Variants in ASPG observed in about 807,000 individuals in gnomAD.
The protein encoded by ASPG is asparaginase.
ASPG carries 53 observed loss-of-function variants against 63.2 expected under a neutral mutation model. That is an observed-to-expected ratio of 0.84 (90% CI 0.67 to 1.05). The LOEUF (loss-of-function observed/expected upper bound fraction) is 1.05. ASPG is among the 50% of genes least tolerant of loss of function. ASPG has a pLI of 0.00. For missense variants in ASPG, 741 were observed against 794.4 expected (o/e 0.93, Z 0.81); for synonymous variants, 370 against 355.0 (o/e 1.04, Z -0.48).
At chr14:104,086,744 G>C (rs1176967131) in intron 1 of ASPG, among the ~76,000 whole-genome samples, 1 of 151,974 alleles carries the variant, frequency 6.6e-6, no homozygotes, top group Non-Finnish European at 1.5e-5. Context: ...ACCCTCCATG[G>C]GCCACTGCCT....
rs748755532 is a variant in ASPG, at chr14:104,104,726, C to T, written c.1041C>T (p.Val347=). The change falls in exon 9 of 16, where the codon GTC becomes GTT. Residue 347 remains valine (V), a synonymous_variant. Coordinates refer to ENST00000551177, the MANE Select transcript of ASPG (RefSeq NM_001080464.3). ...GCCAGCCAGGGCTGAGCCTGGATGTCAGGAAGGAGGTGCGGGCGCTCTCGG... is the reference window on the plus strand; with the variant it reads ...GCCAGCCAGGGCTGAGCCTGGATGTTAGGAAGGAGGTGCGGGCGCTCTCGG... ...VLGQPGLSLD[V]RKELLTKDLR... 1.9e-6 allele frequency: 3 copies of T among 1,594,670 alleles called. No individual in the cohort carries two copies. In the Admixed American group the frequency reaches 5.2e-5, roughly 27 times the overall value.
rs2037270665 is a variant in ASPG at position 104,109,015 on chromosome 14, G to A, written c.1434-214G>A. 7.1e-6 allele frequency: 7 copies of A among 985,304 alleles called. No homozygotes were observed. The South Asian group carries it at 2.3e-4, about 33-fold the overall frequency. The allele number at this position is 985,304 out of a possible 1,614,324, so 61.0% of individuals were successfully genotyped here. ...CTCAGCTGCCCTAAGAAGGAGTACTGGACAAATGGAGGTGGTGGGATCCCG... is the reference window on the plus strand; with the variant it reads ...CTCAGCTGCCCTAAGAAGGAGTACTAGACAAATGGAGGTGGTGGGATCCCG... On this transcript the variant is annotated intron_variant, in intron 12 of 15. Transcript: ENST00000551177. This position sits in a 1 kb window ranked among gnomAD's most constrained non-coding sequence, Gnocchi z 4.8.
At chr14:104,101,832 C>T (rs1186940994) in intron 6 of ASPG, among the ~76,000 whole-genome samples, 1 of 152,216 alleles carries the variant, frequency 6.6e-6, no homozygotes, top group Admixed American at 6.5e-5. Flanking sequence ...CACCCTTCGG[C>T]TCCTGTGCTG....
intron 10 of ASPG, among the ~76,000 whole-genome samples, chr14:104,105,946 C>A (rs570175996): frequency 5.7e-4 from 87 of 152,354 alleles, no homozygotes; most frequent in African/African-American, 2.0e-3. Flanking sequence ...CCGCAACATG[C>A]CCCCTTGGCT....
At chr14:104,086,420 G>T (rs2036223406) in intron 1 of ASPG, among the ~76,000 whole-genome samples, 1 of 152,210 alleles carries the variant, frequency 6.6e-6, no homozygotes, top group Non-Finnish European at 1.5e-5. Context: ...GTGTGGACCT[G>T]GTTGACCAGA....
At chr14:104,105,117 C>T (rs891321697) in intron 9 of ASPG, 8 of 719,206 alleles carry the variant, frequency 1.1e-5, no homozygotes, top group Non-Finnish European at 1.6e-5. Context: ...GCTTTTGGGG[C>T]CCCTGGAGAC....
At position 104,114,545 on chromosome 14, in the gene ASPG, G is replaced by T. The variant is rs1456469266; in HGVS notation, c.*2001G>T. 3 of 152,312 alleles carry T rather than the reference G, an allele frequency of 2.0e-5. No individual in the cohort carries two copies. The highest frequency in any genetic ancestry group is 2.9e-5 in the Non-Finnish European group (2 of 68,166). 9.4% of individuals were successfully genotyped at this position (152,312 alleles called of 1,614,324 possible). ...TGGGAGCTTTCTCGGGGGCCGTTTT[G>T]TGCCCCTTGGGGAGAGGCCAGAGGG... On this transcript the variant is annotated 3_prime_UTR_variant, in exon 16 of 16. Coordinates refer to ENST00000551177, the MANE Select transcript of ASPG (RefSeq NM_001080464.3).
chr14:104,107,106 G>A (rs752795904), intron 11 of ASPG, 76 bp from the exon 12 acceptor site: 35 of 1,501,444 alleles, frequency 2.3e-5, no homozygotes, highest in Middle Eastern at 1.9e-4. Flanking sequence ...CCCTCAGAGG[G>A]ACCCCACCCT....
chr14:104,103,248 T>C (rs374716985), intron 6 of ASPG, among the ~76,000 whole-genome samples: 3 of 152,230 alleles, frequency 2.0e-5, no homozygotes, highest in East Asian at 3.9e-4. Context: ...GCCCCTCGCC[T>C]GGCCAGCGGA....
At chr14:104,107,403 G>A in intron 12 of ASPG, 58 bp downstream of exon 12, 1 of 1,332,772 alleles carries the variant, frequency 7.5e-7, no homozygotes, top group Non-Finnish European at 9.7e-7. Flanking sequence ...GAGAGGCTGT[G>A]GGCTCCTGCA....
chr14:104,105,466 A>G lies in ASPG; in HGVS notation c.1173+16A>G, dbSNP rs771496903. The G allele has an allele frequency of 1.3e-6, 2 of 1,558,306 alleles. No individual in the cohort carries two copies. Among genetic ancestry groups the G allele is most frequent in the South Asian group, 1.2e-5 (1 of 81,340 alleles). ...CGGCAGCCAGGTAATGGCGTGGGACACGGGCCTGAGTGGCAGCTGGGGACT... is the reference window on the plus strand; with the variant it reads ...CGGCAGCCAGGTAATGGCGTGGGACGCGGGCCTGAGTGGCAGCTGGGGACT... On this transcript the variant is annotated intron_variant, in intron 10 of 15. Transcript: ENST00000551177.
rs531633614 is a variant in ASPG, at chr14:104,091,230, C to T, written c.83-1403C>T. Among the ~76,000 whole-genome samples, 7 of 151,894 alleles carry T rather than the reference C, an allele frequency of 4.6e-5. No homozygotes were observed. The highest frequency in any genetic ancestry group is 1.2e-4 in the African/African-American group (5 of 41,402). ...ACATGAGACAGGGACACTTGGACACCGGTGTGGGGTGGACCCTGAGCCCCC... is the reference window on the plus strand; with the variant it reads ...ACATGAGACAGGGACACTTGGACACTGGTGTGGGGTGGACCCTGAGCCCCC... On this transcript the variant is annotated intron_variant, in intron 1 of 15. Coordinates refer to ENST00000551177, the MANE Select transcript of ASPG (RefSeq NM_001080464.3). This position sits in a 1 kb window ranked among gnomAD's most constrained non-coding sequence, Gnocchi z 6.4.
intron 2 of ASPG, chr14:104,092,955 T>C (rs1353583852): frequency 1.1e-5 from 6 of 568,654 alleles, no homozygotes; most frequent in Non-Finnish European, 6.3e-6. Context: ...CCACCTTCCC[T>C]CCCCACCCTC....
At chr14:104,090,207 A>G (rs562826676) in intron 1 of ASPG, among the ~76,000 whole-genome samples, 1 of 152,274 alleles carries the variant, frequency 6.6e-6, no homozygotes, top group Non-Finnish European at 1.5e-5. Context: ...ACATGCCCCC[A>G]GCAGGGACAG....
intron 6 of ASPG, among the ~76,000 whole-genome samples, chr14:104,102,273 CT>C (rs992844012): frequency 2.6e-5 from 4 of 152,052 alleles, no homozygotes; most frequent in African/African-American, 7.2e-5. Flanking sequence ...GGGGGCTCCG[CT>C]CCCCCCTCTC....
At chr14:104,098,316 C>T (rs565927486) in intron 5 of ASPG, among the ~76,000 whole-genome samples, 25 of 152,314 alleles carry the variant, frequency 1.6e-4, no homozygotes, top group African/African-American at 5.8e-4. Context: ...TCCCCCATGT[C>T]TTTCCCTGTT....
intron 1 of ASPG, among the ~76,000 whole-genome samples, chr14:104,089,359 CA>C (rs113198487): frequency 1.3e-4 from 20 of 148,434 alleles, no homozygotes; most frequent in Admixed American, 4.7e-4. Context: ...ACTAAAAATA[CA>C]AAAAAAAAAT....
In ASPG at chr14:104,103,586, G is replaced by A. The variant is rs1426344316; in HGVS notation, c.664G>A (p.Val222Met). ...ITINRELVRK[V>M]DGKAGLVVHS... ...AGTCAACAGGGAGCTGGTGCGGAAG[G>A]TGGACGGGAAGGCTGGGCTGGTGGT... is the stretch of plus-strand genomic sequence containing the variant. Residue 222 changes from valine to methionine, a missense_variant, in exon 7 of 16, where the codon GTG (valine) becomes ATG (methionine). By Grantham distance (21) the Val-to-Met change is conservative. Transcript: ENST00000551177. 1.3e-6 allele frequency: 2 copies of A among 1,548,158 alleles called. No individual in the cohort carries two copies. The highest frequency in any genetic ancestry group is 1.2e-5 in the South Asian group (1 of 83,962).
At position 104,104,452 on chromosome 14, in the gene ASPG, A is replaced by G; in HGVS notation, c.902A>G (p.Gln301Arg). The change falls in exon 8 of 16, where the codon CAG becomes CGG. Residue 301 changes from glutamine (Q) to arginine (R), a missense_variant. Coordinates refer to ENST00000551177, the MANE Select transcript of ASPG (RefSeq NM_001080464.3). ...LVIVNCTHCL[Q>R]GAVTTDYAAG... Reference sequence around the variant, plus strand: ...ATCGTCAACTGTACCCACTGCCTCCAGGGGGCTGTGACCACAGACTATGCA... The same window carrying G: ...ATCGTCAACTGTACCCACTGCCTCCGGGGGGCTGTGACCACAGACTATGCA... 1 of 1,612,514 alleles carries G rather than the reference A, an allele frequency of 6.2e-7. No homozygotes were observed. The highest frequency in any genetic ancestry group is 8.5e-7 in the Non-Finnish European group (1 of 1,179,772).
Sources: gnomAD v4.1 joint callset for allele counts (sites outside exome capture counted in the v4.1 genomes callset) on GRCh38, gnomAD v4.1.1 for gene constraint, Gnocchi (gnomAD v3.1) non-coding constraint, MANE v1.5 for transcripts, NCBI Gene and HGNC (gene_info 2026-07-23, HGNC 2026-07-21) for gene names.